The following KANK1 variants were observed in gnomAD, a reference collection of about 807,000 sequenced individuals.
KANK1 encodes the protein KN motif and ankyrin repeat domains 1, also known as KN motif and ankyrin repeat domain-containing protein 1.
A neutral mutation model predicts 106.2 loss-of-function variants in KANK1; 109 were observed. The ratio of observed to expected loss-of-function variants is 1.03; its 90% CI spans 0.88 to 1.20. KANK1 has a LOEUF of 1.20. Among genes scored for constraint, KANK1 ranks in the 50% most tolerant of loss-of-function variants. KANK1 has a pLI of 0.00. For synonymous variants in KANK1, 873 were observed against 652.2 expected (o/e 1.34, Z -5.16); for missense variants, 2,399 against 1,710.7 (o/e 1.40, Z -7.10).
chr9:717,755 T>C (rs1828108364), intron 3 of KANK1, among the ~76,000 whole-genome samples: 1 of 152,236 alleles, frequency 6.6e-6, no homozygotes, highest in African/African-American at 2.4e-5. Flanking sequence ...TTTTCTTTTT[T>C]TAATTACTAT....
In KANK1 at chr9:745,159, T is replaced by C; in HGVS notation, c.3997-14T>C. ...CTTATTAACCCCCAGTTTTTTTCCT[T>C]TCCTGGTCTCTAGGGCACCCCTAGG... On this transcript the variant is annotated splice_polypyrimidine_tract_variant and intron_variant, in intron 11 of 11. Transcript: ENST00000382297. 1 of 1,613,414 alleles carries C rather than the reference T, an allele frequency of 6.2e-7. No individual in the cohort carries two copies.
chr9:596,242 A>G (rs1349174580), intron 1 of KANK1, among the ~76,000 whole-genome samples: 1 of 151,854 alleles, frequency 6.6e-6, no homozygotes, highest in East Asian at 1.9e-4. Flanking sequence ...TTTTTGGATT[A>G]AGGACGTTCA....
chr9:715,781 CA>C (rs1827523466), intron 3 of KANK1, among the ~76,000 whole-genome samples: 1 of 152,152 alleles, frequency 6.6e-6, no homozygotes, highest in Non-Finnish European at 1.5e-5. Context: ...GTGTTTTCAC[CA>C]TTTTGTTTAA....
At chr9:724,422 A>G (rs1437126968) in intron 3 of KANK1, among the ~76,000 whole-genome samples, 1 of 152,240 alleles carries the variant, frequency 6.6e-6, no homozygotes, top group African/African-American at 2.4e-5. Flanking sequence ...AATAATAGTC[A>G]AAACTATCAT....
At chr9:474,171 A>T (rs2058066591) in intron 3 of KANK1, among the ~76,000 whole-genome samples, 2 of 152,202 alleles carry the variant, frequency 1.3e-5, no homozygotes, top group African/African-American at 4.8e-5. Context: ...GTACCTGCCT[A>T]TCTGTCTGCC....
chr9:653,259 G>A (rs963336646), intron 1 of KANK1, among the ~76,000 whole-genome samples: 8 of 152,072 alleles, frequency 5.3e-5, no homozygotes, highest in Non-Finnish European at 8.8e-5. Flanking sequence ...GAGTCCCAGA[G>A]GTAGTTCGAG....
intron 1 of KANK1, among the ~76,000 whole-genome samples, chr9:665,091 A>T (rs1432186006): frequency 6.6e-6 from 1 of 152,098 alleles, no homozygotes; most frequent in Non-Finnish European, 1.5e-5. Flanking sequence ...GTAGTTTGCA[A>T]ATACTTTCTC....
chr9:493,621 C>A (rs537903087), intron 3 of KANK1, among the ~76,000 whole-genome samples: 1 of 141,042 alleles, frequency 7.1e-6, no homozygotes, highest in Admixed American at 7.4e-5. Flanking sequence ...GATCTCGGCT[C>A]ACTGCAACCT....
At chr9:666,542 T>C (rs998858621) in intron 1 of KANK1, among the ~76,000 whole-genome samples, 2 of 152,184 alleles carry the variant, frequency 1.3e-5, no homozygotes, top group African/African-American at 2.4e-5. Context: ...GAAAGCCTTT[T>C]AGGTTTTCCC....
At chr9:579,941 C>T (rs974547289) in intron 1 of KANK1, among the ~76,000 whole-genome samples, 1 of 152,276 alleles carries the variant, frequency 6.6e-6, no homozygotes, top group South Asian at 2.1e-4. Flanking sequence ...TCATGACTGT[C>T]AGCATCTGCT....
chr9:496,755 G>A (rs2058464666), intron 3 of KANK1, among the ~76,000 whole-genome samples: 1 of 152,044 alleles, frequency 6.6e-6, no homozygotes, highest in African/African-American at 2.4e-5. Flanking sequence ...TGTCCTTTAT[G>A]AAGCCTAACC....
chr9:477,236 C>A (rs62531956), intron 3 of KANK1, among the ~76,000 whole-genome samples: 23,389 of 151,162 alleles, frequency 0.15, 2,597 homozygotes, highest in East Asian at 0.51. Context: ...TGACTTTTCC[C>A]CTGGTTAGCC....
At chr9:624,776 G>A (rs978081775) in intron 1 of KANK1, among the ~76,000 whole-genome samples, 5 of 152,126 alleles carry the variant, frequency 3.3e-5, no homozygotes, top group Non-Finnish European at 5.9e-5. Context: ...CCCAGCCTGG[G>A]TGACAGAGCG....
At chr9:514,616 A>G (rs1417245431) in intron 1 of KANK1, among the ~76,000 whole-genome samples, 1 of 151,536 alleles carries the variant, frequency 6.6e-6, no homozygotes, top group Non-Finnish European at 1.5e-5. Context: ...AGATTGATCC[A>G]TGTTGTATGT....
intron 2 of KANK1, chr9:684,162 C>T: frequency 4.1e-6 from 4 of 985,246 alleles, no homozygotes; most frequent in African/African-American, 1.7e-5. Context: ...CCAGCTTCGC[C>T]TTATAAGCTT....
In KANK1 at chr9:712,489, G is replaced by A. The variant is rs771817095; in HGVS notation, c.1723G>A (p.Val575Met). Residue 575 changes from valine to methionine, a missense_variant, in exon 3 of 12, where the codon GTG (valine) becomes ATG (methionine). Coordinates refer to ENST00000382297, the MANE Select transcript of KANK1 (RefSeq NM_015158.5). The stretch of plus-strand genomic sequence containing the variant: ...GAATTGGTGGATTGTTAAGGAGAGG[G>A]TGGAAATGCATGACCGATGTGCTGG... Reference protein sequence around the residue: ...PMNWWIVKERVEMHDRCAGRS... With the variant: ...PMNWWIVKERMEMHDRCAGRS... 18 of 1,614,108 alleles carry A rather than the reference G, an allele frequency of 1.1e-5. No homozygotes were observed. Among genetic ancestry groups the A allele is most frequent in the Admixed American group, 3.3e-5 (2 of 60,012 alleles).
rs548995266 is a variant in KANK1, at chr9:711,149, C to T, written c.383C>T (p.Ser128Leu). The stretch of plus-strand genomic sequence containing the variant: ...AAGCCACCTCCCCCTCTGGAGACCT[C>T]ACTCCCTTTTCTTACCATCCCAGAA... ...ISKPPPPLET[S>L]LPFLTIPENR... Residue 128 changes from serine (S) to leucine (L), a missense_variant, in exon 3 of 12, where the codon TCA (serine) becomes TTA (leucine). Coordinates refer to ENST00000382297, the MANE Select transcript of KANK1 (RefSeq NM_015158.5). 9.9e-6 allele frequency: 16 copies of T among 1,614,106 alleles called. No individual in the cohort carries two copies. The South Asian group carries it at 1.6e-4, about 17-fold the overall frequency.
chr9:535,009 G>A (rs1359651240), intron 1 of KANK1, among the ~76,000 whole-genome samples: 1 of 152,148 alleles, frequency 6.6e-6, no homozygotes, highest in Non-Finnish European at 1.5e-5. Flanking sequence ...TGCCCCCTTT[G>A]CCCCTCCTGC....
At position 730,247 on chromosome 9, in the gene KANK1, T is replaced by C; in HGVS notation, c.2895T>C (p.Tyr965=). Residue 965 remains tyrosine, a splice_region_variant and synonymous_variant, in exon 4 of 12, where the codon TAT becomes TAC. Coordinates refer to ENST00000382297, the MANE Select transcript of KANK1 (RefSeq NM_015158.5). The part of the protein sequence containing the change: ...LTDDQIAAGL[Y]ACTNNESTLK... The stretch of plus-strand genomic sequence containing the variant: ...ACGACCAGATCGCCGCTGGCCTCTA[T>C]GGTAACTTTTCTCACTCACAGTCAT... 1 of 1,614,192 alleles carries C rather than the reference T, an allele frequency of 6.2e-7. No homozygotes were observed. The highest frequency in any genetic ancestry group is 8.5e-7 in the Non-Finnish European group (1 of 1,180,022).
Sources: allele counts gnomAD v4.1 joint callset (sites outside exome capture counted in the v4.1 genomes callset), GRCh38; gene constraint gnomAD v4.1.1; transcripts MANE v1.5; gene names NCBI Gene and HGNC (gene_info 2026-07-23, HGNC 2026-07-21).